Variants in ARMH1 observed in about 807,000 individuals in gnomAD.
ARMH1 encodes armadillo like helical domain containing 1, also known as armadillo-like helical domain containing protein 1.
In ARMH1, 34 loss-of-function variants were observed where a neutral mutation model predicts 50.2. The ratio of observed to expected loss-of-function variants is 0.68; its 90% CI spans 0.51 to 0.90. The LOEUF is 0.90. Ranked by LOEUF, ARMH1 falls within the 40% of genes least tolerant of loss-of-function variation. The pLI, the probability that ARMH1 is intolerant of heterozygous loss-of-function variation, is 0.00. For missense variants in ARMH1, 538 were observed against 553.9 expected, an observed-to-expected ratio of 0.97 and a Z score of 0.29; for synonymous variants, 221 against 224.2, an observed-to-expected ratio of 0.99 and a Z score of 0.13.
rs541278895 is a variant in ARMH1, at chr1:44,705,152, T to C, written c.724+979T>C. On this transcript the variant is annotated intron_variant, in intron 6 of 11. Coordinates refer to ENST00000535358, the MANE Select transcript of ARMH1 (RefSeq NM_001145636.2). ...ACCCGGCCTATTTATTGAGAACTTC[T>C]ATGTGCCAGCCACTTTCCATACATC... is the stretch of plus-strand genomic sequence containing the variant. Among the ~76,000 whole-genome samples the C allele has an allele frequency of 4.3e-3, 650 of 151,722 alleles. 4 individuals carry two copies. Among genetic ancestry groups the C allele is most frequent in the African/African-American group, 0.015 (615 of 41,422 alleles).
intron 6 of ARMH1, among the ~76,000 whole-genome samples, chr1:44,710,322 C>T (rs908784751): frequency 5.1e-4 from 78 of 151,990 alleles, no homozygotes; most frequent in Admixed American, 5.0e-3. Context: ...AAATTAATCA[C>T]AGATTGGCCG....
intron 6 of ARMH1, among the ~76,000 whole-genome samples, chr1:44,718,146 TA>T (rs1449397628): frequency 3.3e-5 from 5 of 152,242 alleles, no homozygotes; most frequent in African/African-American, 1.2e-4. Context: ...GAAATTTTCA[TA>T]AAAATATCTT....
At position 44,682,678 on chromosome 1, in the gene ARMH1, T is replaced by G. The variant is rs941053329; in HGVS notation, c.-22-6998T>G. On this transcript the variant is annotated intron_variant, in intron 1 of 11. Coordinates refer to ENST00000535358, the MANE Select transcript of ARMH1 (RefSeq NM_001145636.2). This position sits in a 1 kb window ranked among gnomAD's most constrained non-coding sequence, Gnocchi z 4.5. ...TGGTGGCTCACACCTGTAATCCCAG[T>G]ACTTTGGGAGGCCGAGGCAGGAGGA... is the stretch of plus-strand genomic sequence containing the variant. 6.6e-6 allele frequency among the ~76,000 whole-genome samples: 1 copy of G among 152,074 alleles called. No homozygotes were observed. Among genetic ancestry groups the G allele is most frequent in the African/African-American group, 2.4e-5 (1 of 41,404 alleles).
At chr1:44,720,438 G>A (rs974276344) in intron 6 of ARMH1, among the ~76,000 whole-genome samples, 1 of 152,160 alleles carries the variant, frequency 6.6e-6, no homozygotes, top group Non-Finnish European at 1.5e-5. Flanking sequence ...AGAATCCAAT[G>A]AGGTCTTTTC....
rs766826841 is a variant in ARMH1, at chr1:44,682,639, A to C, written c.-22-7037A>C. Among the ~76,000 whole-genome samples, 2 of 152,198 alleles carry C rather than the reference A, an allele frequency of 1.3e-5. No individual in the cohort carries two copies. The highest frequency in any genetic ancestry group is 2.9e-5 in the Non-Finnish European group (2 of 68,034). ...AGATTTGTACTTTTAAAAATCTCAC[A>C]TCAAAGCCTGGCCTGGTGGCTCACA... On this transcript the variant is annotated intron_variant, in intron 1 of 11. Coordinates refer to ENST00000535358, the MANE Select transcript of ARMH1 (RefSeq NM_001145636.2). This position sits in a 1 kb window ranked among gnomAD's most constrained non-coding sequence, Gnocchi z 4.5.
chr1:44,723,184 T>A (rs949890613), intron 6 of ARMH1, among the ~76,000 whole-genome samples: 1 of 152,086 alleles, frequency 6.6e-6, no homozygotes. Context: ...ACAAAAACAT[T>A]CAATCCTTGC....
chr1:44,682,311 A>G lies in ARMH1; in HGVS notation c.-22-7365A>G, dbSNP rs749292860. On this transcript the variant is annotated intron_variant, in intron 1 of 11. Coordinates refer to ENST00000535358, the MANE Select transcript of ARMH1 (RefSeq NM_001145636.2). This position sits in a 1 kb window ranked among gnomAD's most constrained non-coding sequence, Gnocchi z 4.5. ...GTAAACAGGAAGGCTTACGTGTCAA[A>G]GTCATTGATCGGCACTGCGGCAAGG... Among the ~76,000 whole-genome samples, 10 of 152,314 alleles carry G rather than the reference A, an allele frequency of 6.6e-5. No individual in the cohort carries two copies. The highest frequency in any genetic ancestry group is 1.3e-4 in the Non-Finnish European group (9 of 68,038).
chr1:44,682,383 T>A lies in ARMH1; in HGVS notation c.-22-7293T>A, dbSNP rs1645342086. 6.6e-6 allele frequency among the ~76,000 whole-genome samples: 1 copy of A among 151,546 alleles called. No individual in the cohort carries two copies. Among genetic ancestry groups the A allele is most frequent in the Non-Finnish European group, 1.5e-5 (1 of 67,868 alleles). The stretch of plus-strand genomic sequence containing the variant: ...CCTGACCTCAGAGGAGGAGGAAGGG[T>A]TCAGGAACAGTAGTAGGGATTTAGA... On this transcript the variant is annotated intron_variant, in intron 1 of 11. Transcript: ENST00000535358. The surrounding 1 kb of genome is among the most constrained non-coding windows in gnomAD (Gnocchi z 4.5).
intron 6 of ARMH1, 176 bp from the exon 7 acceptor site, chr1:44,723,946 C>T: frequency 1.3e-6 from 1 of 744,434 alleles, no homozygotes; most frequent in Non-Finnish European, 2.1e-6. Flanking sequence ...CCCCTTCAGC[C>T]CCCTCCTCCT....
chr1:44,725,261 C>G, intron 11 of ARMH1, 30 bp from the exon 12 acceptor site: 1 of 1,551,800 alleles, frequency 6.4e-7, no homozygotes. Context: ...GCCGCCAGCA[C>G]AGCCTCACGC....
chr1:44,723,902 G>C (rs1647793999), intron 6 of ARMH1: 1 of 531,542 alleles, frequency 1.9e-6, no homozygotes, highest in South Asian at 2.9e-5. Flanking sequence ...AGGCCGCCTC[G>C]ACAGGTGGGC....
rs1557515009 is a variant in ARMH1 at position 44,683,907 on chromosome 1, C to T, written c.-22-5769C>T. Among the ~76,000 whole-genome samples the T allele has an allele frequency of 1.3e-5, 2 of 152,102 alleles. No individual in the cohort carries two copies. The highest frequency in any genetic ancestry group is 2.9e-5 in the Non-Finnish European group (2 of 68,030). On this transcript the variant is annotated intron_variant, in intron 1 of 11. Transcript: ENST00000535358. The surrounding 1 kb of genome is among the most constrained non-coding windows in gnomAD (Gnocchi z 4.2). ...GTGGCTCACACCTGTAATTCCAGCA[C>T]TTTGGGAGGCCAAGGTGGGAAGATA...
chr1:44,725,515 C>A lies in ARMH1; in HGVS notation c.*112C>A. 9.3e-7 allele frequency: 1 copy of A among 1,077,642 alleles called. No individual in the cohort carries two copies. Among genetic ancestry groups the A allele is most frequent in the Non-Finnish European group, 1.4e-6 (1 of 730,734 alleles). 66.8% of individuals were successfully genotyped at this position (1,077,642 alleles called of 1,614,324 possible). ...ACTCCACTTGGCTCCAGGGGGGAGACGGGGATTAGGCATCCCAGAGGGGCA... is the reference window on the plus strand; with the variant it reads ...ACTCCACTTGGCTCCAGGGGGGAGAAGGGGATTAGGCATCCCAGAGGGGCA... On this transcript the variant is annotated 3_prime_UTR_variant, in exon 12 of 12. Coordinates refer to ENST00000535358, the MANE Select transcript of ARMH1 (RefSeq NM_001145636.2).
At chr1:44,712,943 C>T (rs939983906) in intron 6 of ARMH1, among the ~76,000 whole-genome samples, 39 of 151,922 alleles carry the variant, frequency 2.6e-4, no homozygotes, top group Non-Finnish European at 2.4e-4. Flanking sequence ...GGATTACAGG[C>T]GTGAGCCACT....
intron 6 of ARMH1, among the ~76,000 whole-genome samples, chr1:44,704,517 G>GTT (rs138347198): frequency 0.013 from 1,835 of 146,624 alleles, 33 homozygotes; most frequent in African/African-American, 0.038. Context: ...TTTTTGCTGG[G>GTT]TTTTTTTTTT....
rs75365339 is a variant in ARMH1, at chr1:44,695,437, T to G, written c.207-1665T>G. ...CTCTAGATCCAGGACTCAAACCATG[T>G]GTTCTGGAACTAATTCCTGGAAATA... On this transcript the variant is annotated intron_variant, in intron 2 of 11. Transcript: ENST00000535358. Among the ~76,000 whole-genome samples the G allele has an allele frequency of 7.0e-3, 1,065 of 152,282 alleles. 12 individuals are homozygous for G. Among genetic ancestry groups the G allele is most frequent in the African/African-American group, 0.024 (983 of 41,548 alleles).
At chr1:44,690,099 C>T (rs1466876691) in intron 2 of ARMH1, among the ~76,000 whole-genome samples, 196 bp downstream of exon 2, 5 of 151,908 alleles carry the variant, frequency 3.3e-5, no homozygotes, top group East Asian at 1.9e-4. Context: ...GTGCCTGTAA[C>T]CCCAACTACT....
intron 6 of ARMH1, among the ~76,000 whole-genome samples, chr1:44,709,515 A>G (rs1191614983): frequency 1.3e-5 from 2 of 152,098 alleles, no homozygotes; most frequent in African/African-American, 2.4e-5. Context: ...TACTAAAAAT[A>G]CAAAAAATTA....
chr1:44,725,153 G>T lies in ARMH1; in HGVS notation c.1146G>T (p.Leu382Phe). The change falls in exon 11 of 12, where the codon TTG becomes TTT. Residue 382 changes from leucine to phenylalanine, a missense_variant. Coordinates refer to ENST00000535358, the MANE Select transcript of ARMH1 (RefSeq NM_001145636.2). ...GTCCTCAGAGCAACGCTGAGGACTT[G>T]TACATGAAAATAGACAGCATTCAGG... ...YQLFLSNAED[L>F]YMKIDSIQAD... 1 of 1,551,984 alleles carries T rather than the reference G, an allele frequency of 6.4e-7. No individual in the cohort carries two copies. Among genetic ancestry groups the T allele is most frequent in the Non-Finnish European group, 8.7e-7 (1 of 1,147,042 alleles).
Sources: gnomAD v4.1 joint callset for allele counts (sites outside exome capture counted in the v4.1 genomes callset) on GRCh38, gnomAD v4.1.1 for gene constraint, Gnocchi (gnomAD v3.1) non-coding constraint, MANE v1.5 for transcripts, NCBI Gene and HGNC (gene_info 2026-07-23, HGNC 2026-07-21) for gene names.